The following TCF7L2 variants were observed in gnomAD, a reference collection of about 807,000 sequenced individuals.
TCF7L2 encodes transcription factor 7-like 2.
TCF7L2 carries 23 observed loss-of-function variants against 77.9 expected under a neutral mutation model. The ratio of observed to expected loss-of-function variants is 0.30; its 90% CI spans 0.21 to 0.42. The LOEUF is 0.42. Among genes scored for constraint, TCF7L2 ranks in the 10% least tolerant of loss-of-function variants. The probability of loss-of-function intolerance (pLI) is 1.00; values close to 1 mark genes in which losing one functional copy is unlikely to be tolerated. For synonymous variants in TCF7L2, 413 were observed against 340.2 expected (o/e 1.21, Z -2.36); for missense variants, 654 against 793.1 (o/e 0.82, Z 2.11).
chr10:112,968,882 C>G (rs1364247654), intron 4 of TCF7L2, among the ~76,000 whole-genome samples: 2 of 152,140 alleles, frequency 1.3e-5, no homozygotes, highest in Non-Finnish European at 2.9e-5. Context: ...CTGACCTATA[C>G]TCGGCTTTTC....
chr10:113,075,438 G>A (rs1180735262), intron 5 of TCF7L2, among the ~76,000 whole-genome samples: 3 of 148,708 alleles, frequency 2.0e-5, no homozygotes, highest in African/African-American at 5.0e-5. Context: ...CAGCCTGGGC[G>A]ACAAGAGCGA....
chr10:113,153,792 G>A (rs1042108981), intron 11 of TCF7L2, among the ~76,000 whole-genome samples: 6 of 152,222 alleles, frequency 3.9e-5, no homozygotes, highest in Admixed American at 2.6e-4. Flanking sequence ...CTTAGCATCC[G>A]CCAGGAAATC....
chr10:113,154,317 C>T (rs546677421), intron 11 of TCF7L2, among the ~76,000 whole-genome samples: 4 of 152,268 alleles, frequency 2.6e-5, no homozygotes, highest in South Asian at 2.1e-4. Flanking sequence ...CTCCTGGTTT[C>T]GGGTCAGAAG....
chr10:112,956,204 G>A (rs901123037), intron 3 of TCF7L2, among the ~76,000 whole-genome samples: 2 of 152,046 alleles, frequency 1.3e-5, no homozygotes, highest in African/African-American at 2.4e-5. Context: ...TCCCCCAGCT[G>A]TCTGGAAGTT....
chr10:112,958,276 C>T (rs989980226), intron 3 of TCF7L2, among the ~76,000 whole-genome samples: 1 of 152,190 alleles, frequency 6.6e-6, no homozygotes, highest in African/African-American at 2.4e-5. Flanking sequence ...GGAGTGGCAT[C>T]AGCCCTGAAG....
Position 113,044,637 on chromosome 10 carries a change from C to T in TCF7L2, c.552+4511C>T, listed in dbSNP as rs774131109. Among the ~76,000 whole-genome samples, 61 of 152,182 alleles carry T rather than the reference C, an allele frequency of 4.0e-4. 1 individual carries two copies. Among genetic ancestry groups the T allele is most frequent in the Admixed American group, 3.9e-3 (59 of 15,276 alleles). ...GACCTGATTTCGGCTGAGAAGTTGG[C>T]GGGGATTACAGGCCTGGGCGGCTCC... is the stretch of plus-strand genomic sequence containing the variant. On this transcript the variant is annotated intron_variant, in intron 5 of 13. Coordinates refer to ENST00000627217, the MANE Select transcript of TCF7L2 (RefSeq NM_001146274.2).
At chr10:113,155,907 A>G (rs565700590) in intron 11 of TCF7L2, among the ~76,000 whole-genome samples, 1 of 152,322 alleles carries the variant, frequency 6.6e-6, no homozygotes, top group East Asian at 1.9e-4. Context: ...GAAATTGTAC[A>G]TGAAGGAACA....
At position 113,136,428 on chromosome 10, in the gene TCF7L2, T is replaced by C. The variant is rs571334780; in HGVS notation, c.553-4756T>C. 3.3e-5 allele frequency among the ~76,000 whole-genome samples: 5 copies of C among 152,246 alleles called. No individual in the cohort carries two copies. The East Asian group carries it at 5.8e-4, about 18-fold the overall frequency. On this transcript the variant is annotated intron_variant, in intron 5 of 13. Transcript: ENST00000627217. ...ATTATGTGAGTTATTCATATATGAG[T>C]GTTTGCTGTTTTTGTGGCTCGGAGA...
At chr10:113,073,129 T>TGTGTGTGAGAGAGAGA (rs56927661) in intron 5 of TCF7L2, among the ~76,000 whole-genome samples, 1 of 123,484 alleles carries the variant, frequency 8.1e-6, no homozygotes, top group Admixed American at 8.4e-5. Context: ...TGTGTGTGTG[T>TGTGTGTGAGAGAGAGA]GAGAGAGAGA....
At chr10:112,988,150 G>A (rs1564749338) in intron 4 of TCF7L2, among the ~76,000 whole-genome samples, 1 of 151,644 alleles carries the variant, frequency 6.6e-6, no homozygotes, top group Non-Finnish European at 1.5e-5. Context: ...TGCCCAGGCT[G>A]GAGTACAGTG....
intron 5 of TCF7L2, among the ~76,000 whole-genome samples, chr10:113,057,269 C>T (rs933205151): frequency 2.0e-5 from 3 of 152,274 alleles, no homozygotes; most frequent in African/African-American, 7.2e-5. Context: ...TCCTGGGTTC[C>T]AGCGATTCTC....
At chr10:113,099,210 T>C (rs1393296935) in intron 5 of TCF7L2, among the ~76,000 whole-genome samples, 4 of 152,230 alleles carry the variant, frequency 2.6e-5, no homozygotes, top group Admixed American at 6.5e-5. Context: ...CAGGGAAATA[T>C]GTTATTGCTA....
At chr10:112,966,211 T>TATATATATATATATATATATATA (rs57702716) in intron 4 of TCF7L2, among the ~76,000 whole-genome samples, 24 of 137,452 alleles carry the variant, frequency 1.7e-4, no homozygotes, top group African/African-American at 5.3e-4. Context: ...TATATATATA[T>TATATATATATATATATATATATA]TTTCTTTTCT....
At chr10:113,147,837 G>A (rs1317996906) in intron 8 of TCF7L2, among the ~76,000 whole-genome samples, 1 of 152,116 alleles carries the variant, frequency 6.6e-6, no homozygotes, top group African/African-American at 2.4e-5. Context: ...TAGGAGGTTA[G>A]TCGATGAATT....
chr10:113,144,917 G>T (rs772904975), intron 7 of TCF7L2, among the ~76,000 whole-genome samples: 7 of 152,216 alleles, frequency 4.6e-5, no homozygotes, highest in Non-Finnish European at 7.3e-5. Flanking sequence ...TTCTGTGGAT[G>T]TATTTCTCCT....
At chr10:113,126,434 A>G (rs780159085) in intron 5 of TCF7L2, among the ~76,000 whole-genome samples, 10 of 152,188 alleles carry the variant, frequency 6.6e-5, no homozygotes, top group Non-Finnish European at 1.2e-4. Context: ...TCACCAACTT[A>G]GGTGAAGTTC....
At chr10:113,021,512 G>A (rs979653970) in intron 4 of TCF7L2, among the ~76,000 whole-genome samples, 2 of 152,182 alleles carry the variant, frequency 1.3e-5, no homozygotes, top group South Asian at 2.1e-4. Context: ...TTTCTTGAGC[G>A]CTTGCCATAT....
intron 4 of TCF7L2, among the ~76,000 whole-genome samples, chr10:113,029,465 C>T (rs1184571352): frequency 1.3e-5 from 2 of 149,722 alleles, no homozygotes; most frequent in African/African-American, 4.9e-5. Flanking sequence ...CACAGGTTTT[C>T]TGTTCATTCT....
At chr10:113,088,067 G>GA (rs1434154434) in intron 5 of TCF7L2, among the ~76,000 whole-genome samples, 1 of 151,996 alleles carries the variant, frequency 6.6e-6, no homozygotes, top group Admixed American at 6.5e-5. Flanking sequence ...CAAATTACAT[G>GA]AAAAAATCGT....
Sources: gnomAD v4.1 joint callset for allele counts (sites outside exome capture counted in the v4.1 genomes callset) on GRCh38, gnomAD v4.1.1 for gene constraint, MANE v1.5 for transcripts, NCBI Gene and HGNC (gene_info 2026-07-23, HGNC 2026-07-21) for gene names.